ANKRD36: variants seen among roughly 807,000 people sequenced by gnomAD.
The protein encoded by ANKRD36 is ankyrin repeat domain-containing protein 36A.
Under a neutral mutation model 278.1 loss-of-function variants are expected in ANKRD36, and 179 were observed. The observed-to-expected ratio is 0.64, with a 90% CI of 0.57 to 0.73. ANKRD36 has a LOEUF of 0.73. Ranked by LOEUF, ANKRD36 falls within the 30% of genes least tolerant of loss-of-function variation. ANKRD36 has a pLI of 0.00. For missense variants in ANKRD36, 1,159 were observed against 1,956.7 expected (o/e 0.59, Z 7.69); for synonymous variants, 320 against 641.1 (o/e 0.50, Z 7.57).
intron 8 of ANKRD36, among the ~76,000 whole-genome samples, chr2:97,143,472 A>G (rs1274821963): frequency 6.6e-6 from 1 of 152,260 alleles, no homozygotes; most frequent in Admixed American, 6.5e-5. Context: ...GTGATAACCC[A>G]CAGTGACTCA....
At chr2:97,182,484 A>G (rs1439722491) in intron 26 of ANKRD36, among the ~76,000 whole-genome samples, 1 of 149,046 alleles carries the variant, frequency 6.7e-6, no homozygotes, top group African/African-American at 2.4e-5. Context: ...TAGTTATTCA[A>G]ATGAGATAAA....
chr2:97,198,454 A>T lies in ANKRD36; in HGVS notation c.2654-9A>T. Reference sequence around the variant, plus strand: ...ATATGAGTGATTATGAATCCCTTTTACTTTTCAGTGTCTTCTGAGAAACCA... The same window carrying T: ...ATATGAGTGATTATGAATCCCTTTTTCTTTTCAGTGTCTTCTGAGAAACCA... On this transcript the variant is annotated splice_polypyrimidine_tract_variant and intron_variant, in intron 42 of 75. Coordinates refer to ENST00000420699, the MANE Select transcript of ANKRD36 (RefSeq NM_001354587.1). 1.3e-6 allele frequency: 2 copies of T among 1,577,144 alleles called. No individual in the cohort carries two copies. The highest frequency in any genetic ancestry group is 1.4e-5 in the African/African-American group (1 of 73,756).
At chr2:97,185,534 T>C (rs746694853) in intron 30 of ANKRD36, 24 bp downstream of exon 30, 5 of 1,605,042 alleles carry the variant, frequency 3.1e-6, no homozygotes, top group Non-Finnish European at 3.4e-6. Context: ...ACACATTTAA[T>C]GTCATGTTCA....
intron 6 of ANKRD36, among the ~76,000 whole-genome samples, chr2:97,131,835 AT>A (rs915606778): frequency 2.8e-4 from 41 of 147,058 alleles, no homozygotes; most frequent in Non-Finnish European, 2.6e-4. Flanking sequence ...TTATTAATAG[AT>A]TTTTTTTTTT....
chr2:97,129,870 G>A (rs376016147), intron 6 of ANKRD36, among the ~76,000 whole-genome samples: 23 of 152,150 alleles, frequency 1.5e-4, no homozygotes, highest in Non-Finnish European at 2.5e-4. Context: ...TTTGGTTACT[G>A]TAGCCTTGTA....
At chr2:97,180,446 G>T (rs1271089003) in intron 24 of ANKRD36, among the ~76,000 whole-genome samples, 4 of 151,630 alleles carry the variant, frequency 2.6e-5, no homozygotes, top group South Asian at 4.2e-4. Flanking sequence ...TAATTTTGGG[G>T]TTTCTGCTGA....
Position 97,118,452 on chromosome 2 carries a change from A to G in ANKRD36, c.421A>G (p.Asn141Asp). The G allele has an allele frequency of 2.5e-6, 4 of 1,606,466 alleles. No homozygotes were observed. Among genetic ancestry groups the G allele is most frequent in the South Asian group, 1.1e-5 (1 of 89,128 alleles). ...GRTALHYAVYNEDTSMIEKLL... is the reference protein window; with the variant it reads ...GRTALHYAVYDEDTSMIEKLL... ...GACTGCTCTGCACTACGCTGTGTAT[A>G]ATGAAGATACATCCATGATAGAAAA... Residue 141 changes from asparagine (N) to aspartate (D), a missense_variant, in exon 3 of 76, where the codon AAT becomes GAT. Coordinates refer to ENST00000420699, the MANE Select transcript of ANKRD36 (RefSeq NM_001354587.1).
Position 97,155,662 on chromosome 2 carries a change from G to A in ANKRD36, c.1260+921G>A, listed in dbSNP as rs373897137. ...GACTTTAATTTCTCATGGTTTCTGC[G>A]TTGTAATTAAAAAAAATCCACTCAG... is the stretch of plus-strand genomic sequence containing the variant. On this transcript the variant is annotated intron_variant, in intron 15 of 75. Coordinates refer to ENST00000420699, the MANE Select transcript of ANKRD36 (RefSeq NM_001354587.1). Among the ~76,000 whole-genome samples the A allele has an allele frequency of 2.3e-4, 34 of 145,284 alleles. 3 individuals carry two copies. The highest frequency in any genetic ancestry group is 2.1e-3 in the Admixed American group (31 of 14,718).
chr2:97,232,764 A>G (rs1401972997), intron 67 of ANKRD36, among the ~76,000 whole-genome samples: 8 of 150,884 alleles, frequency 5.3e-5, no homozygotes, highest in Non-Finnish European at 1.0e-4. Context: ...AACAAACCAG[A>G]TACTGAACAT....
At chr2:97,134,174 A>G (rs1315953257) in intron 6 of ANKRD36, among the ~76,000 whole-genome samples, 4 of 152,114 alleles carry the variant, frequency 2.6e-5, no homozygotes, top group African/African-American at 7.2e-5. Context: ...ATCTTTTTCA[A>G]TATTACAGAA....
chr2:97,166,133 A>G (rs1420026376), intron 20 of ANKRD36, among the ~76,000 whole-genome samples: 2 of 152,020 alleles, frequency 1.3e-5, no homozygotes, highest in Admixed American at 6.6e-5. Context: ...TTGTGTACAT[A>G]AAAGTGTTTA....
intron 26 of ANKRD36, 96 bp from the exon 27 acceptor site, chr2:97,183,363 G>T: frequency 7.2e-7 from 1 of 1,385,670 alleles, no homozygotes; most frequent in South Asian, 1.4e-5. Flanking sequence ...ACTAGTGCAG[G>T]CAGGAGGATA....
At position 97,211,747 on chromosome 2, in the gene ANKRD36, T is replaced by G; in HGVS notation, c.3469+6T>G. On this transcript the variant is annotated splice_donor_region_variant and intron_variant, in intron 58 of 75. Coordinates refer to ENST00000420699, the MANE Select transcript of ANKRD36 (RefSeq NM_001354587.1). ...TGAACAAATATCTGGGACAGGTAAT[T>G]TTGCAAACACATTTAATATGATGTT... 1.3e-6 allele frequency: 2 copies of G among 1,572,158 alleles called. No individual in the cohort carries two copies. The highest frequency in any genetic ancestry group is 1.7e-6 in the Non-Finnish European group (2 of 1,159,148).
At chr2:97,216,071 G>T (rs1486067780) in intron 62 of ANKRD36, among the ~76,000 whole-genome samples, 2 of 151,746 alleles carry the variant, frequency 1.3e-5, no homozygotes, top group African/African-American at 4.8e-5. Context: ...TTGCATAAAA[G>T]AATATTAAAT....
chr2:97,144,191 G>A (rs941455941), intron 8 of ANKRD36, among the ~76,000 whole-genome samples: 11 of 152,052 alleles, frequency 7.2e-5, no homozygotes, highest in African/African-American at 2.2e-4. Context: ...ATTCCCAAGT[G>A]TATGAGTCAC....
In ANKRD36 at chr2:97,192,976, T is replaced by G; in HGVS notation, c.2377-5T>G. ...ATTTATTATTTCATTTGAAATTCCA[T>G]TCAGGCTACAAGTGACGAGGAAGGT... On this transcript the variant is annotated splice_region_variant and splice_polypyrimidine_tract_variant and intron_variant, in intron 37 of 75. Coordinates refer to ENST00000420699, the MANE Select transcript of ANKRD36 (RefSeq NM_001354587.1). The G allele has an allele frequency of 6.3e-7, 1 of 1,584,208 alleles. No individual in the cohort carries two copies. The highest frequency in any genetic ancestry group is 1.4e-5 in the African/African-American group (1 of 73,804).
chr2:97,193,940 T>C (rs1466154682), intron 38 of ANKRD36, among the ~76,000 whole-genome samples: 1 of 151,694 alleles, frequency 6.6e-6, no homozygotes, highest in South Asian at 2.1e-4. Flanking sequence ...TTTCAATGAA[T>C]ATTGCAGTGA....
At chr2:97,170,499 T>C (rs1041807230) in intron 22 of ANKRD36, among the ~76,000 whole-genome samples, 2 of 151,932 alleles carry the variant, frequency 1.3e-5, no homozygotes, top group African/African-American at 4.8e-5. Context: ...ACTTTCTACA[T>C]AGCCATATGT....
chr2:97,134,935 A>T (rs745987780), intron 6 of ANKRD36, among the ~76,000 whole-genome samples: 72 of 152,174 alleles, frequency 4.7e-4, no homozygotes, highest in Non-Finnish European at 8.5e-4. Context: ...AAGAAAGCTG[A>T]ATTTAAGGAT....
Sources: allele counts gnomAD v4.1 joint callset (sites outside exome capture counted in the v4.1 genomes callset), GRCh38; gene constraint gnomAD v4.1.1; transcripts MANE v1.5; gene names NCBI Gene and HGNC (gene_info 2026-07-23, HGNC 2026-07-21).